The following GRID2 variants were observed in gnomAD, a reference collection of about 807,000 sequenced individuals.
GRID2 encodes the protein glutamate ionotropic receptor delta type subunit 2.
Under a neutral mutation model 114.8 loss-of-function variants are expected in GRID2, and 33 were observed. The ratio of observed to expected loss-of-function variants is 0.29; its 90% CI spans 0.22 to 0.38. The LOEUF is 0.38. Among genes scored for constraint, GRID2 ranks in the 10% least tolerant of loss-of-function variants. GRID2 has a pLI of 1.00. For missense variants in GRID2, 1,184 were observed against 1,257.7 expected, an observed-to-expected ratio of 0.94 and a Z score of 0.89; for synonymous variants, 505 against 449.9, an observed-to-expected ratio of 1.12 and a Z score of -1.55.
chr4:93,227,250 T>A (rs1236755087), intron 7 of GRID2, among the ~76,000 whole-genome samples: 1 of 151,538 alleles, frequency 6.6e-6, no homozygotes, highest in Admixed American at 6.6e-5. Context: ...ATATATATAA[T>A]TTTTTTTGAC....
chr4:93,791,273 A>G (rs1163579094), intron 1 of GRID2, among the ~76,000 whole-genome samples: 2 of 152,250 alleles, frequency 1.3e-5, no homozygotes, highest in Non-Finnish European at 2.9e-5. Flanking sequence ...ATTTAAAAGC[A>G]GACTTTTAAA....
intron 13 of GRID2, among the ~76,000 whole-genome samples, chr4:93,566,962 TC>T (rs148274824): frequency 0.02 from 2,998 of 152,232 alleles, 82 homozygotes; most frequent in East Asian, 0.13. Context: ...AAAAGTATCC[TC>T]CCTTCTGTGC....
intron 2 of GRID2, among the ~76,000 whole-genome samples, chr4:93,042,690 TGC>T (rs1312364792): frequency 7.0e-6 from 1 of 143,692 alleles, no homozygotes; most frequent in Non-Finnish European, 1.5e-5. Context: ...TATATATATA[TGC>T]ATATATATAT....
chr4:92,900,352 T>C (rs1747476604), intron 2 of GRID2, among the ~76,000 whole-genome samples: 1 of 152,186 alleles, frequency 6.6e-6, no homozygotes, highest in Non-Finnish European at 1.5e-5. Context: ...GCTTTTAATT[T>C]ACCTTCATCA....
chr4:92,988,538 A>T (rs1268696399), intron 2 of GRID2, among the ~76,000 whole-genome samples: 6 of 152,102 alleles, frequency 3.9e-5, no homozygotes, highest in Non-Finnish European at 8.8e-5. Flanking sequence ...TCCAGATCTC[A>T]CTTGAAGAGA....
intron 2 of GRID2, among the ~76,000 whole-genome samples, chr4:92,838,118 A>G (rs996503844): frequency 8.5e-5 from 13 of 152,222 alleles, no homozygotes; most frequent in African/African-American, 2.9e-4. Context: ...ACCTCCTTCA[A>G]TATTATATTG....
At chr4:92,649,628 C>T (rs531120691) in intron 2 of GRID2, among the ~76,000 whole-genome samples, 1 of 152,116 alleles carries the variant, frequency 6.6e-6, no homozygotes, top group Non-Finnish European at 1.5e-5. Context: ...ACAAGTCCAT[C>T]ACTGGGTACC....
At chr4:92,746,794 T>C (rs1737167969) in intron 2 of GRID2, among the ~76,000 whole-genome samples, 1 of 152,084 alleles carries the variant, frequency 6.6e-6, no homozygotes, top group African/African-American at 2.4e-5. Context: ...TATACTCCCT[T>C]AAGATATACT....
chr4:92,542,492 G>A (rs1323830325), intron 1 of GRID2, among the ~76,000 whole-genome samples: 1 of 152,094 alleles, frequency 6.6e-6, no homozygotes, highest in East Asian at 1.9e-4. Flanking sequence ...CAACGTGGAT[G>A]GAGTTGAAGA....
chr4:92,506,075 A>C (rs1723953630), intron 1 of GRID2, among the ~76,000 whole-genome samples: 1 of 152,018 alleles, frequency 6.6e-6, no homozygotes. Flanking sequence ...ACTATTTTAA[A>C]ATTAAGGAAA....
intron 2 of GRID2, among the ~76,000 whole-genome samples, chr4:92,952,346 G>A (rs757928254): frequency 7.9e-5 from 12 of 151,914 alleles, no homozygotes; most frequent in Non-Finnish European, 1.2e-4. Context: ...TTTATCAATC[G>A]TAGACGACCT....
intron 2 of GRID2, among the ~76,000 whole-genome samples, chr4:92,812,463 A>T (rs574372103): frequency 1.3e-5 from 2 of 152,074 alleles, no homozygotes; most frequent in Non-Finnish European, 2.9e-5. Context: ...AAAAATTACA[A>T]TCAACACATG....
intron 14 of GRID2, among the ~76,000 whole-genome samples, chr4:93,670,057 G>A (rs1724276199): frequency 1.3e-5 from 2 of 152,060 alleles, no homozygotes; most frequent in Non-Finnish European, 2.9e-5. Context: ...GTATGTGTAG[G>A]AGCATATAAA....
intron 2 of GRID2, among the ~76,000 whole-genome samples, chr4:92,599,528 T>C (rs1729102132): frequency 6.6e-6 from 1 of 152,100 alleles, no homozygotes; most frequent in Admixed American, 6.6e-5. Flanking sequence ...AACTCAGTCA[T>C]TTGCTTATTT....
chr4:93,446,257 T>C (rs1472745659), intron 10 of GRID2, among the ~76,000 whole-genome samples: 2 of 152,014 alleles, frequency 1.3e-5, no homozygotes, highest in Non-Finnish European at 2.9e-5. Context: ...GGCAAGCCAT[T>C]GTGCCAGCCC....
chr4:92,798,080 A>AG (rs968271354), intron 2 of GRID2, among the ~76,000 whole-genome samples: 10 of 151,910 alleles, frequency 6.6e-5, no homozygotes, highest in African/African-American at 4.8e-5. Flanking sequence ...TCTTTAAAAA[A>AG]GGGGGGGTTA....
chr4:92,717,523 G>A (rs1375020273), intron 2 of GRID2, among the ~76,000 whole-genome samples: 2 of 152,130 alleles, frequency 1.3e-5, no homozygotes, highest in Non-Finnish European at 2.9e-5. Flanking sequence ...GCACCATATG[G>A]ACCTTGATGA....
In GRID2 at chr4:93,719,050, C is replaced by T. The variant is rs564107750; in HGVS notation, c.2361-50160C>T. On this transcript the variant is annotated intron_variant, in intron 14 of 15. Coordinates refer to ENST00000282020, the MANE Select transcript of GRID2 (RefSeq NM_001510.4). ...TGGATGATAATATTTATATATTATACGAAATATAAATGTTATATATATTAA... is the reference window on the plus strand; with the variant it reads ...TGGATGATAATATTTATATATTATATGAAATATAAATGTTATATATATTAA... Among the ~76,000 whole-genome samples the T allele has an allele frequency of 6.3e-4, 96 of 151,188 alleles. 1 individual carries two copies. The highest frequency in any genetic ancestry group is 2.2e-3 in the African/African-American group (89 of 41,276).
chr4:92,861,065 A>G (rs757542296), intron 2 of GRID2, among the ~76,000 whole-genome samples: 1 of 152,082 alleles, frequency 6.6e-6, no homozygotes, highest in Non-Finnish European at 1.5e-5. Flanking sequence ...TATTAATCCT[A>G]CCCATTTTAA....
Sources: allele counts gnomAD v4.1 joint callset (sites outside exome capture counted in the v4.1 genomes callset), GRCh38; gene constraint gnomAD v4.1.1; transcripts MANE v1.5; gene names NCBI Gene and HGNC (gene_info 2026-07-23, HGNC 2026-07-21).